STAG1: variants seen among roughly 807,000 people sequenced by gnomAD.
The protein encoded by STAG1 is cohesin subunit SA-1.
A neutral mutation model predicts 170.9 loss-of-function variants in STAG1; 26 were observed. The observed-to-expected ratio is 0.15, with a 90% CI of 0.11 to 0.21. The LOEUF (loss-of-function observed/expected upper bound fraction) is 0.21, where lower values mean the gene tolerates loss of function less well. STAG1 is among the 10% of genes least tolerant of loss of function. The pLI, the probability that STAG1 is intolerant of heterozygous loss-of-function variation, is 1.00. For missense variants in STAG1, 964 were observed against 1,509.5 expected (o/e 0.64, Z 5.99); for synonymous variants, 514 against 497.7 (o/e 1.03, Z -0.44).
intron 6 of STAG1, among the ~76,000 whole-genome samples, chr3:136,524,845 G>C (rs929966147): frequency 2.6e-5 from 4 of 152,176 alleles, no homozygotes; most frequent in African/African-American, 9.7e-5. Context: ...AGCATCTATT[G>C]AGATAATCAT....
At chr3:136,407,228 ACTGGCCAGG>A (rs2107706088) in intron 21 of STAG1, among the ~76,000 whole-genome samples, 1 of 152,022 alleles carries the variant, frequency 6.6e-6, no homozygotes, top group East Asian at 1.9e-4. Context: ...ATTTTGCCAT[ACTGGCCAGG>A]CTGGTCTCGA....
At chr3:136,369,734 T>G (rs1411507250) in intron 23 of STAG1, among the ~76,000 whole-genome samples, 1 of 152,206 alleles carries the variant, frequency 6.6e-6, no homozygotes, top group African/African-American at 2.4e-5. Flanking sequence ...CATAGTATAA[T>G]GAATATTTCT....
chr3:136,711,575 AG>A (rs1371470819), intron 1 of STAG1, among the ~76,000 whole-genome samples: 1 of 150,016 alleles, frequency 6.7e-6, no homozygotes. Flanking sequence ...AAAAAAAAAA[AG>A]GATACTTATT....
intron 1 of STAG1, chr3:136,736,824 C>A: frequency 6.3e-7 from 1 of 1,583,814 alleles, no homozygotes; most frequent in Non-Finnish European, 8.7e-7. Flanking sequence ...GGTTTTCCTT[C>A]CTTCTTTGTT....
intron 7 of STAG1, chr3:136,518,317 A>G (rs1214738737): frequency 4.5e-6 from 3 of 670,964 alleles, no homozygotes; most frequent in Non-Finnish European, 8.1e-6. Flanking sequence ...GCCGATAATC[A>G]TATCTGGCCA....
At chr3:136,695,949 A>AT (rs1402965109) in intron 1 of STAG1, among the ~76,000 whole-genome samples, 5 of 152,210 alleles carry the variant, frequency 3.3e-5, no homozygotes, top group Non-Finnish European at 5.9e-5. Flanking sequence ...TCAAAAGCAA[A>AT]TAAAGCACAG....
At chr3:136,524,581 C>T (rs1934890784) in intron 6 of STAG1, among the ~76,000 whole-genome samples, 1 of 152,142 alleles carries the variant, frequency 6.6e-6, no homozygotes, top group Non-Finnish European at 1.5e-5. Flanking sequence ...ATTGAATACC[C>T]TTTATTTCTT....
chr3:136,537,494 A>AT (rs780672876), intron 6 of STAG1, among the ~76,000 whole-genome samples: 3,569 of 131,588 alleles, frequency 0.027, 61 homozygotes, highest in Non-Finnish European at 0.04. Flanking sequence ...TTTTTTGTTT[A>AT]TTTTTTTTTT....
intron 1 of STAG1, among the ~76,000 whole-genome samples, chr3:136,703,373 T>C (rs1366899879): frequency 1.3e-5 from 2 of 152,204 alleles, no homozygotes; most frequent in African/African-American, 4.8e-5. Flanking sequence ...CTGATTCAGC[T>C]TGCTGATGTC....
rs112909394 is a variant in STAG1, at chr3:136,389,837, C to CTT, written c.2277+8910_2277+8911dup. 4.3e-5 allele frequency among the ~76,000 whole-genome samples: 6 copies of CTT among 138,616 alleles called. No individual in the cohort carries two copies. In the South Asian group the frequency reaches 6.9e-4, roughly 16 times the overall value. The allele number at this position is 138,616 out of a possible 152,430, so 90.9% of individuals were successfully genotyped here. A position where few individuals can be genotyped will look rare whatever the true frequency, so the allele number is the denominator to read the frequency against. ...ACCTGGCCTTATGCTATTTTTTTTTCTTTTTTTTTTTTGAGATGGAGTCTC... is the reference window on the plus strand; with the variant it reads ...ACCTGGCCTTATGCTATTTTTTTTTCTTTTTTTTTTTTTTGAGATGGAGTCTC... On this transcript the variant is annotated intron_variant, in intron 22 of 33. Coordinates refer to ENST00000383202, the MANE Select transcript of STAG1 (RefSeq NM_005862.3).
intron 1 of STAG1, among the ~76,000 whole-genome samples, chr3:136,714,862 T>C (rs1943476367): frequency 6.9e-6 from 1 of 145,730 alleles, no homozygotes; most frequent in African/African-American, 2.5e-5. Context: ...TGAGTCATGA[T>C]TATGCCACTG....
At position 136,422,783 on chromosome 3, in the gene STAG1, T is replaced by C. The variant is rs376210603; in HGVS notation, c.1818A>G (p.Thr606=). The C allele has an allele frequency of 3.7e-6, 6 of 1,602,110 alleles. No homozygotes were observed. Among genetic ancestry groups the C allele is most frequent in the Non-Finnish European group, 5.1e-6 (6 of 1,176,272 alleles). ...PQYFDLEIYS[T]GRMEKHLDAL... The stretch of plus-strand genomic sequence containing the variant: ...ATATCATTACCTTTTCCATTCTACC[T>C]GTGCTGTAGATTTCTAAATCAAAAT... Residue 606 remains threonine (T), a synonymous_variant, in exon 18 of 34, where the codon ACA becomes ACG. Coordinates refer to ENST00000383202, the MANE Select transcript of STAG1 (RefSeq NM_005862.3).
chr3:136,662,879 G>A (rs1035500156), intron 1 of STAG1, among the ~76,000 whole-genome samples: 3 of 151,986 alleles, frequency 2.0e-5, no homozygotes, highest in South Asian at 2.1e-4. Context: ...TGGTGAAATC[G>A]CATCTCTACT....
chr3:136,549,687 C>G (rs1248510758), intron 5 of STAG1, among the ~76,000 whole-genome samples: 1 of 149,594 alleles, frequency 6.7e-6, no homozygotes, highest in South Asian at 2.1e-4. Flanking sequence ...CCTAATAGCT[C>G]TGGGCAGAAC....
At chr3:136,612,243 A>G (rs1278479195) in intron 3 of STAG1, among the ~76,000 whole-genome samples, 1 of 152,176 alleles carries the variant, frequency 6.6e-6, no homozygotes, top group Non-Finnish European at 1.5e-5. Flanking sequence ...GGGTTGCTCA[A>G]CCGTAACTGG....
chr3:136,383,260 GAAC>G (rs1417233549), intron 22 of STAG1, among the ~76,000 whole-genome samples: 1 of 151,982 alleles, frequency 6.6e-6, no homozygotes, highest in Non-Finnish European at 1.5e-5. Context: ...GCCCCTTAAA[GAAC>G]AATAGATAAT....
At chr3:136,437,940 A>AT (rs2088505883) in intron 15 of STAG1, among the ~76,000 whole-genome samples, 1 of 152,218 alleles carries the variant, frequency 6.6e-6, no homozygotes, top group Non-Finnish European at 1.5e-5. Flanking sequence ...AACAATGTTT[A>AT]TGAAAGGGAT....
chr3:136,454,241 G>C (rs560293602), intron 13 of STAG1, among the ~76,000 whole-genome samples: 2 of 152,194 alleles, frequency 1.3e-5, no homozygotes, highest in South Asian at 4.2e-4. Flanking sequence ...ACCATGCCCA[G>C]CTAATTTTTG....
Position 136,463,866 on chromosome 3 carries a change from TATAC to T in STAG1, c.1313+1011_1313+1014del, listed in dbSNP as rs536625024. Reference sequence around the variant, plus strand: ...ATACATATATAAATATATATTTATATATACATACATACATATATACTTATATATA... The same window carrying T: ...ATACATATATAAATATATATTTATATATACATACATATATACTTATATATA... On this transcript the variant is annotated intron_variant, in intron 13 of 33. Transcript: ENST00000383202. Among the ~76,000 whole-genome samples, 936 of 146,600 alleles carry T rather than the reference TATAC, an allele frequency of 6.4e-3. 15 individuals carry two copies. The highest frequency in any genetic ancestry group is 0.021 in the African/African-American group (834 of 40,450).
Sources: gnomAD v4.1 joint callset for allele counts (sites outside exome capture counted in the v4.1 genomes callset) on GRCh38, gnomAD v4.1.1 for gene constraint, MANE v1.5 for transcripts, NCBI Gene and HGNC (gene_info 2026-07-23, HGNC 2026-07-21) for gene names.